The following CEP15 variants were observed in gnomAD, a reference collection of about 807,000 sequenced individuals.
CEP15 encodes centrosomal protein 15 kDa.
At chr3:62,336,198 A>T in the CEP15 span, 2 of 152,080 alleles carry the variant, frequency 1.3e-5, no homozygotes, top group African/African-American at 4.8e-5. The surrounding 1 kb of genome is among the most constrained non-coding windows in gnomAD (Gnocchi z 4.4). Flanking sequence ...TCAAAATTAA[A>T]CTTATTTTGA....
chr3:62,320,890 T>A, the CEP15 span, among the ~76,000 whole-genome samples: 27 of 152,298 alleles, frequency 1.8e-4, no homozygotes, highest in African/African-American at 6.3e-4. Flanking sequence ...CTCATGCCAT[T>A]GTCTTGCATC....
At chr3:62,330,154 T>G in the CEP15 span, among the ~76,000 whole-genome samples, 1 of 152,180 alleles carries the variant, frequency 6.6e-6, no homozygotes, top group African/African-American at 2.4e-5. Context: ...TTTTTCCCTT[T>G]TACATTTCAC....
chr3:62,335,606 T>C, the CEP15 span: 2 of 152,202 alleles, frequency 1.3e-5, no homozygotes, highest in Admixed American at 6.5e-5. Context: ...GTATATTTTT[T>C]CTACAATTAG....
chr3:62,320,345 GTTTTC>G, the CEP15 span: 190 of 672,064 alleles, frequency 2.8e-4, 2 homozygotes, highest in South Asian at 2.8e-3. Context: ...TACATCTTAA[GTTTTC>G]TTTTCTCTTC....
chr3:62,332,329 G>T, the CEP15 span, among the ~76,000 whole-genome samples: 1 of 152,044 alleles, frequency 6.6e-6, no homozygotes. Context: ...CCACATGCAT[G>T]GATATATAGA....
chr3:62,335,442 C>T, the CEP15 span: 1 of 143,214 alleles, frequency 7.0e-6, no homozygotes, highest in African/African-American at 2.6e-5. Flanking sequence ...TAACAGATTG[C>T]ACCACATGGT....
chr3:62,323,758 T>C, the CEP15 span: 2 of 152,168 alleles, frequency 1.3e-5, no homozygotes, highest in African/African-American at 4.8e-5. Context: ...TTTGGTATGA[T>C]TTTTCCCCTG....
chr3:62,327,893 T>G, the CEP15 span, among the ~76,000 whole-genome samples: 2 of 152,204 alleles, frequency 1.3e-5, no homozygotes, highest in Non-Finnish European at 2.9e-5. Context: ...ATTTTTGTTC[T>G]TATTTATGCC....
At chr3:62,336,145 T>C in the CEP15 span, 1 of 152,138 alleles carries the variant, frequency 6.6e-6, no homozygotes, top group Non-Finnish European at 1.5e-5. This position sits in a 1 kb window ranked among gnomAD's most constrained non-coding sequence, Gnocchi z 4.4. Flanking sequence ...TCCCCCTTTT[T>C]CCATAAAAAA....
At chr3:62,332,143 C>A in the CEP15 span, among the ~76,000 whole-genome samples, 4 of 152,004 alleles carry the variant, frequency 2.6e-5, no homozygotes, top group Non-Finnish European at 5.9e-5. Context: ...CATGCTTTTT[C>A]TTTGTTTGAT....
At chr3:62,331,479 A>T in the CEP15 span, 1 of 1,184,810 alleles carries the variant, frequency 8.4e-7, no homozygotes, top group Admixed American at 1.9e-5. Context: ...AACAATGGTT[A>T]TGTGTATTTT....
the CEP15 span, among the ~76,000 whole-genome samples, chr3:62,331,029 A>G: frequency 6.6e-6 from 1 of 152,160 alleles, no homozygotes; most frequent in African/African-American, 2.4e-5. Context: ...GAGCAGTATT[A>G]TAAGACACTC....
At chr3:62,321,231 A>T in the CEP15 span, among the ~76,000 whole-genome samples, 1 of 152,216 alleles carries the variant, frequency 6.6e-6, no homozygotes, top group Admixed American at 6.5e-5. The surrounding 1 kb of genome is among the most constrained non-coding windows in gnomAD (Gnocchi z 4.1). Flanking sequence ...GAACAAAAAC[A>T]TATAAAATAA....
chr3:62,325,828 AT>A, the CEP15 span, among the ~76,000 whole-genome samples: 2 of 152,116 alleles, frequency 1.3e-5, no homozygotes, highest in Non-Finnish European at 2.9e-5. Flanking sequence ...GATCAAGACC[AT>A]CCTGGCCAAC....
the CEP15 span, among the ~76,000 whole-genome samples, chr3:62,332,235 C>T: frequency 6.6e-6 from 1 of 152,140 alleles, no homozygotes. Flanking sequence ...AACTCCCAAC[C>T]ACGGGCCTCA....
chr3:62,320,527 A>G, the CEP15 span: 1 of 1,607,408 alleles, frequency 6.2e-7, no homozygotes, highest in Non-Finnish European at 8.5e-7. Flanking sequence ...GAAGAAATGT[A>G]AGTTTTTTTA....
At chr3:62,322,078 G>A in the CEP15 span, 1 of 1,594,572 alleles carries the variant, frequency 6.3e-7, no homozygotes, top group Non-Finnish European at 8.5e-7. The surrounding 1 kb of genome is among the most constrained non-coding windows in gnomAD (Gnocchi z 5.5). Context: ...CTTGAATATA[G>A]AGATTTATCC....
chr3:62,320,590 A>G, the CEP15 span: 8 of 1,240,654 alleles, frequency 6.4e-6, no homozygotes, highest in Middle Eastern at 1.9e-4. Flanking sequence ...GAAATATTGT[A>G]TACACAGGAT....
the CEP15 span, among the ~76,000 whole-genome samples, chr3:62,327,489 A>AGGCTAATGGCTATCGTATGAGCAGT: frequency 4.1e-4 from 61 of 149,840 alleles, no homozygotes; most frequent in African/African-American, 1.4e-3. Flanking sequence ...TAGCCACATG[A>AGGCTAATGGCTATCGTATGAGCAGT]GAAGTTCTAG....
Sources: gnomAD v4.1 joint callset for allele counts (sites outside exome capture counted in the v4.1 genomes callset) on GRCh38, gnomAD v4.1.1 for gene constraint, Gnocchi (gnomAD v3.1) non-coding constraint, MANE v1.5 for transcripts, NCBI Gene and HGNC (gene_info 2026-07-23, HGNC 2026-07-21) for gene names.